OPCML: variants seen among roughly 807,000 people sequenced by gnomAD.
OPCML encodes the protein opioid binding protein/cell adhesion molecule like.
OPCML carries 13 observed loss-of-function variants against 37.8 expected under a neutral mutation model. The ratio of observed to expected loss-of-function variants is 0.34; its 90% CI spans 0.22 to 0.55. The LOEUF is 0.55. Ranked by LOEUF, OPCML falls within the 20% of genes least tolerant of loss-of-function variation. The probability of loss-of-function intolerance (pLI) is 0.91; values close to 1 mark genes in which losing one functional copy is unlikely to be tolerated. For synonymous variants in OPCML, 176 were observed against 168.8 expected (o/e 1.04, Z -0.33); for missense variants, 341 against 435.6 (o/e 0.78, Z 1.93).
At chr11:132,471,189 A>T (rs2096136996) in intron 4 of OPCML, among the ~76,000 whole-genome samples, 1 of 152,144 alleles carries the variant, frequency 6.6e-6, no homozygotes, top group Non-Finnish European at 1.5e-5. Context: ...AAAGGAAGAA[A>T]GGTGAGGCCA....
At chr11:132,954,292 T>C (rs1348793208) in intron 1 of OPCML, among the ~76,000 whole-genome samples, 9 of 152,130 alleles carry the variant, frequency 5.9e-5, no homozygotes, top group Admixed American at 5.9e-4. Flanking sequence ...TCAGGTGTCA[T>C]AGTATGGTAT....
intron 4 of OPCML, among the ~76,000 whole-genome samples, chr11:132,437,786 A>G (rs1290490666): frequency 6.6e-6 from 1 of 152,330 alleles, no homozygotes; most frequent in African/African-American, 2.4e-5. Flanking sequence ...TTAATTTTTC[A>G]TTTGTAGAAA....
intron 2 of OPCML, among the ~76,000 whole-genome samples, chr11:132,813,575 A>C (rs889941169): frequency 6.6e-6 from 1 of 151,746 alleles, no homozygotes; most frequent in Non-Finnish European, 1.5e-5. Flanking sequence ...CTTAAATCTC[A>C]CTCTTAGCTG....
intron 1 of OPCML, among the ~76,000 whole-genome samples, chr11:133,431,622 T>C (rs1043262305): frequency 2.6e-5 from 4 of 151,920 alleles, no homozygotes; most frequent in Admixed American, 6.5e-5. Context: ...TGTGCCACCA[T>C]GCCCAGCTAA....
At chr11:132,925,838 C>G (rs1417432672) in intron 2 of OPCML, among the ~76,000 whole-genome samples, 1 of 152,106 alleles carries the variant, frequency 6.6e-6, no homozygotes. Context: ...GAGCCAGCCC[C>G]CAAGCTCCTT....
At chr11:132,500,140 A>T (rs2096242474) in intron 4 of OPCML, among the ~76,000 whole-genome samples, 2 of 152,160 alleles carry the variant, frequency 1.3e-5, no homozygotes, top group African/African-American at 4.8e-5. Flanking sequence ...CAGGGAAACT[A>T]AGTCATCAGT....
intron 1 of OPCML, among the ~76,000 whole-genome samples, chr11:133,226,650 C>A (rs1304723303): frequency 6.6e-6 from 1 of 152,182 alleles, no homozygotes; most frequent in African/African-American, 2.4e-5. Flanking sequence ...GGCAAGCAAG[C>A]CCCGAATCCA....
At chr11:132,431,707 C>A (rs1226844718) in intron 7 of OPCML, among the ~76,000 whole-genome samples, 1 of 152,178 alleles carries the variant, frequency 6.6e-6, no homozygotes, top group East Asian at 1.9e-4. Context: ...TTGCTTATAT[C>A]CCATTTTCCT....
At chr11:132,914,324 T>C (rs1366056227) in intron 2 of OPCML, among the ~76,000 whole-genome samples, 1 of 152,218 alleles carries the variant, frequency 6.6e-6, no homozygotes, top group Non-Finnish European at 1.5e-5. Flanking sequence ...CTGAACTTGG[T>C]AACATTTATA....
chr11:132,557,255 C>T lies in OPCML; in HGVS notation c.380-28069G>A, dbSNP rs373958217. 1.2e-3 allele frequency among the ~76,000 whole-genome samples: 183 copies of T among 152,238 alleles called. 1 individual carries two copies. Among genetic ancestry groups the T allele is most frequent in the African/African-American group, 4.3e-3 (177 of 41,512 alleles). ...CCAATTTAGATTCTGTACCCAGAGC[C>T]GATTGACAGTGGTGGATTCCAAGGT... On this transcript the variant is annotated intron_variant, in intron 3 of 7. Coordinates refer to ENST00000524381, the MANE Select transcript of OPCML (RefSeq NM_001012393.5).
intron 1 of OPCML, among the ~76,000 whole-genome samples, chr11:133,285,931 C>G (rs1291847868): frequency 6.6e-6 from 1 of 152,160 alleles, no homozygotes; most frequent in Admixed American, 6.5e-5. Flanking sequence ...AAGACATAAA[C>G]ATACACCAAG....
At chr11:133,273,178 T>C (rs1025371807) in intron 1 of OPCML, among the ~76,000 whole-genome samples, 2 of 152,062 alleles carry the variant, frequency 1.3e-5, no homozygotes, top group African/African-American at 4.8e-5. Flanking sequence ...CTAGCTGGGG[T>C]CAAAGGACAC....
At chr11:133,057,974 T>C (rs754536987) in intron 1 of OPCML, among the ~76,000 whole-genome samples, 4 of 152,238 alleles carry the variant, frequency 2.6e-5, no homozygotes, top group Non-Finnish European at 5.9e-5. Flanking sequence ...TTTTTACTAG[T>C]GCGTTATCTG....
At chr11:132,995,356 T>A (rs1431367390) in intron 1 of OPCML, among the ~76,000 whole-genome samples, 1 of 152,100 alleles carries the variant, frequency 6.6e-6, no homozygotes, top group Non-Finnish European at 1.5e-5. Flanking sequence ...TTAGTAGTCA[T>A]AGAAGGAGTA....
chr11:133,268,862 C>T (rs1366026540), intron 1 of OPCML, among the ~76,000 whole-genome samples: 1 of 152,178 alleles, frequency 6.6e-6, no homozygotes, highest in Non-Finnish European at 1.5e-5. Context: ...GTAATGCACA[C>T]ATTTCTCTGA....
intron 2 of OPCML, among the ~76,000 whole-genome samples, chr11:132,855,041 C>T (rs1253027549): frequency 2.0e-5 from 3 of 152,132 alleles, no homozygotes; most frequent in East Asian, 3.9e-4. Context: ...TAATAAAAGG[C>T]TATGAGATTA....
At position 133,089,533 on chromosome 11, in the gene OPCML, A is replaced by C. The variant is rs1176880149; in HGVS notation, c.62-146523T>G. On this transcript the variant is annotated intron_variant, in intron 1 of 7. Transcript: ENST00000524381. ...AGGCAATAGCAACATACTCTGTGCT[A>C]AAGGCAAAACAAAAGGCTTCTGACA... 2.0e-5 allele frequency among the ~76,000 whole-genome samples: 3 copies of C among 152,238 alleles called. No individual in the cohort carries two copies. In the East Asian group the frequency reaches 5.8e-4, roughly 29 times the overall value.
intron 2 of OPCML, among the ~76,000 whole-genome samples, chr11:132,822,173 G>T (rs891825205): frequency 6.6e-6 from 1 of 152,052 alleles, no homozygotes; most frequent in East Asian, 1.9e-4. Flanking sequence ...CTACACAGCT[G>T]GTGTGCAGGG....
At chr11:132,684,592 C>T (rs147829230) in intron 2 of OPCML, among the ~76,000 whole-genome samples, 1 of 152,030 alleles carries the variant, frequency 6.6e-6, no homozygotes, top group African/African-American at 2.4e-5. Flanking sequence ...GTTCCTAATC[C>T]TGTTATGAAA....
Sources: gnomAD v4.1 joint callset for allele counts (sites outside exome capture counted in the v4.1 genomes callset) on GRCh38, gnomAD v4.1.1 for gene constraint, MANE v1.5 for transcripts, NCBI Gene and HGNC (gene_info 2026-07-23, HGNC 2026-07-21) for gene names.